Variants in PTPRM observed in about 807,000 individuals in gnomAD.
PTPRM encodes receptor-type tyrosine-protein phosphatase mu.
In PTPRM, 47 loss-of-function variants were observed where a neutral mutation model predicts 186.7. That is an observed-to-expected ratio of 0.25 (90% CI 0.20 to 0.32). PTPRM has a LOEUF of 0.32. Among genes scored for constraint, PTPRM ranks in the 10% least tolerant of loss-of-function variants. The probability of loss-of-function intolerance (pLI) is 1.00; values close to 1 mark genes in which losing one functional copy is unlikely to be tolerated. For missense variants in PTPRM, 1,494 were observed against 1,865.0 expected (o/e 0.80, Z 3.66); for synonymous variants, 668 against 674.9 (o/e 0.99, Z 0.16).
intron 1 of PTPRM, among the ~76,000 whole-genome samples, chr18:7,569,954 A>G (rs1165640390): frequency 6.6e-6 from 1 of 152,136 alleles, no homozygotes; most frequent in Non-Finnish European, 1.5e-5. Flanking sequence ...GAAACGTTGA[A>G]CTTTAAAAAA....
chr18:7,815,542 G>A (rs2044767198), intron 2 of PTPRM: 1 of 152,166 alleles, frequency 6.6e-6, no homozygotes. Context: ...CCTAAGCTGG[G>A]CATCATTGCC....
rs1395064983 is a variant in PTPRM at position 8,107,983 on chromosome 18, T to G, written c.1857-5503T>G. 3.3e-5 allele frequency among the ~76,000 whole-genome samples: 5 copies of G among 152,304 alleles called. No individual in the cohort carries two copies. The South Asian group carries it at 1.0e-3, about 32-fold the overall frequency. On this transcript the variant is annotated intron_variant, in intron 11 of 32. Coordinates refer to ENST00000580170, the MANE Select transcript of PTPRM (RefSeq NM_001105244.2). ...CTGAGTTTAGTTTTATCAGGTTGTT[T>G]AGAGTATTAGGGTGTCATTTCAGTA...
chr18:8,306,540 T>C (rs187079187), intron 20 of PTPRM, among the ~76,000 whole-genome samples: 1 of 152,364 alleles, frequency 6.6e-6, no homozygotes, highest in Admixed American at 6.5e-5. Context: ...CTTAGCAGGC[T>C]GTGTGCCCCA....
intron 2 of PTPRM, among the ~76,000 whole-genome samples, chr18:7,806,652 T>C (rs1254465118): frequency 6.6e-6 from 1 of 152,252 alleles, no homozygotes; most frequent in East Asian, 1.9e-4. Context: ...GGCCAGAGAC[T>C]CTGGCCGCTC....
At chr18:8,289,607 CATATAT>C (rs1207946997) in intron 19 of PTPRM, among the ~76,000 whole-genome samples, 1 of 106,144 alleles carries the variant, frequency 9.4e-6, no homozygotes, top group African/African-American at 4.2e-5. Flanking sequence ...TATATACACA[CATATAT>C]ATATACACAT....
intron 2 of PTPRM, among the ~76,000 whole-genome samples, chr18:7,869,439 G>T (rs187962094): frequency 6.6e-6 from 1 of 152,066 alleles, no homozygotes; most frequent in East Asian, 1.9e-4. Flanking sequence ...GGCTTCCCTT[G>T]GCTAGGGGAG....
chr18:7,592,104 G>T (rs538546787), intron 1 of PTPRM, among the ~76,000 whole-genome samples: 1 of 152,216 alleles, frequency 6.6e-6, no homozygotes, highest in East Asian at 1.9e-4. Context: ...ACATATTTTA[G>T]CATTTTTGAA....
At chr18:8,294,453 G>C (rs915215604) in intron 19 of PTPRM, among the ~76,000 whole-genome samples, 3 of 152,094 alleles carry the variant, frequency 2.0e-5, no homozygotes, top group Middle Eastern at 6.8e-3. Flanking sequence ...CTTATAAAAC[G>C]ATCAAATCTC....
intron 7 of PTPRM, among the ~76,000 whole-genome samples, chr18:8,019,401 T>C (rs971827560): frequency 6.6e-6 from 1 of 152,206 alleles, no homozygotes; most frequent in Non-Finnish European, 1.5e-5. Context: ...TGGGAACATA[T>C]GTAAAAAGCA....
At chr18:7,729,148 T>C (rs1006233001) in intron 1 of PTPRM, among the ~76,000 whole-genome samples, 4 of 152,050 alleles carry the variant, frequency 2.6e-5, no homozygotes, top group African/African-American at 9.7e-5. Context: ...TGGGCTCAAA[T>C]GTCCTCCTGC....
At chr18:8,267,073 T>C (rs1340009995) in intron 19 of PTPRM, among the ~76,000 whole-genome samples, 1 of 152,202 alleles carries the variant, frequency 6.6e-6, no homozygotes, top group Non-Finnish European at 1.5e-5. Flanking sequence ...TTGTAATGTA[T>C]TCAGTGTTAA....
At chr18:8,031,628 G>A (rs955612673) in intron 7 of PTPRM, among the ~76,000 whole-genome samples, 1 of 152,194 alleles carries the variant, frequency 6.6e-6, no homozygotes, top group African/African-American at 2.4e-5. Context: ...CAGCACTATA[G>A]AGTCTGACAG....
intron 13 of PTPRM, among the ~76,000 whole-genome samples, chr18:8,126,000 TATATATATATATA>T (rs1379463273): frequency 0.021 from 338 of 16,306 alleles, 15 homozygotes; most frequent in African/African-American, 0.036. Context: ...TATATATATA[TATATATATATATA>T]TATATATATA....
chr18:7,694,348 T>G (rs925896444), intron 1 of PTPRM, among the ~76,000 whole-genome samples: 21 of 152,250 alleles, frequency 1.4e-4, no homozygotes, highest in African/African-American at 4.6e-4. Flanking sequence ...CAGAGAATGC[T>G]TTTGAACATA....
intron 14 of PTPRM, among the ~76,000 whole-genome samples, chr18:8,193,805 T>G (rs1601133577): frequency 6.6e-6 from 1 of 152,254 alleles, no homozygotes; most frequent in Non-Finnish European, 1.5e-5. Context: ...ACAGTGGCTG[T>G]AGGGACAGCA....
intron 1 of PTPRM, among the ~76,000 whole-genome samples, chr18:7,607,370 A>G (rs1033759859): frequency 3.3e-5 from 5 of 152,138 alleles, no homozygotes; most frequent in Admixed American, 6.5e-5. Flanking sequence ...AGAACGACTG[A>G]TGTGCTGGGG....
At position 8,085,780 on chromosome 18, in the gene PTPRM, A is replaced by G. The variant is rs2090400311; in HGVS notation, c.1661A>G (p.Tyr554Cys). ...NETHFLFFGL[Y>C]PGTTYSFTIR... is the part of the protein sequence containing the mutation. ...ACCCATTTTCTGTTTTTTGGACTGT[A>G]TCCGGGGACCACATACTCCTTTACC... The change falls in exon 10 of 33, where the codon TAT (tyrosine) becomes TGT (cysteine). Residue 554 changes from tyrosine (Y) to cysteine (C), a missense_variant. Around this residue, in one of 3 missense-constraint regions of PTPRM, gnomAD observed 1,107 missense variants for 1,350.2 expected, o/e 0.82. Transcript: ENST00000580170. The G allele has an allele frequency of 1.9e-6, 3 of 1,613,410 alleles. No homozygotes were observed. Among genetic ancestry groups the G allele is most frequent in the East Asian group, 2.2e-5 (1 of 44,880 alleles).
intron 32 of PTPRM, among the ~76,000 whole-genome samples, chr18:8,399,464 A>G (rs930064671): frequency 1.3e-5 from 2 of 152,230 alleles, no homozygotes; most frequent in African/African-American, 4.8e-5. Flanking sequence ...TAAAGAGGCC[A>G]ATTTTATGGT....
At chr18:7,813,861 T>C (rs528647890) in intron 2 of PTPRM, among the ~76,000 whole-genome samples, 42 of 152,290 alleles carry the variant, frequency 2.8e-4, no homozygotes, top group Admixed American at 2.4e-3. Flanking sequence ...CTTTCTCCTG[T>C]TTAGACCAAA....
Sources: gnomAD v4.1 joint callset for allele counts (sites outside exome capture counted in the v4.1 genomes callset) on GRCh38, gnomAD v4.1.1 for gene constraint, gnomAD v4.1.1 regional missense constraint, MANE v1.5 for transcripts, NCBI Gene and HGNC (gene_info 2026-07-23, HGNC 2026-07-21) for gene names.